Variants in GLI3 observed in about 807,000 individuals in gnomAD.
GLI3 encodes the protein transcription activator GLI3.
GLI3 carries 20 observed loss-of-function variants against 100.8 expected under a neutral mutation model. That is an observed-to-expected ratio of 0.20 (90% CI 0.14 to 0.29). The LOEUF (loss-of-function observed/expected upper bound fraction) is 0.29. GLI3 is among the 10% of genes least tolerant of loss of function. The pLI, the probability that GLI3 is intolerant of heterozygous loss-of-function variation, is 1.00. For missense variants in GLI3, 2,040 were observed against 2,128.5 expected, an observed-to-expected ratio of 0.96 and a Z score of 0.82; for synonymous variants, 938 against 860.5, an observed-to-expected ratio of 1.09 and a Z score of -1.58.
intron 2 of GLI3, among the ~76,000 whole-genome samples, chr7:42,200,578 C>T (rs1453927994): frequency 1.3e-5 from 2 of 152,066 alleles, no homozygotes; most frequent in Non-Finnish European, 2.9e-5. Flanking sequence ...CAGATTTTTG[C>T]CCCACACAAG....
chr7:42,248,237 G>A (rs2128710002), intron 1 of GLI3, among the ~76,000 whole-genome samples: 1 of 152,238 alleles, frequency 6.6e-6, no homozygotes, highest in East Asian at 1.9e-4. Flanking sequence ...AAACCTTCTT[G>A]AGAAGCAAAT....
At chr7:42,263,136 C>T (rs1789162579) in intron 1 of GLI3, among the ~76,000 whole-genome samples, 1 of 152,180 alleles carries the variant, frequency 6.6e-6, no homozygotes, top group Admixed American at 6.5e-5. Context: ...AACTTGAGAA[C>T]AGCAGATCCA....
At chr7:42,193,226 G>A (rs866888848) in intron 2 of GLI3, among the ~76,000 whole-genome samples, 1 of 152,304 alleles carries the variant, frequency 6.6e-6, no homozygotes, top group South Asian at 2.1e-4. Flanking sequence ...CTGAGCAAAG[G>A]AAAGCCGAGA....
At chr7:42,062,035 A>G (rs1784578682) in intron 4 of GLI3, among the ~76,000 whole-genome samples, 1 of 152,144 alleles carries the variant, frequency 6.6e-6, no homozygotes. Flanking sequence ...CTGATTGGAA[A>G]TGTCTATGAT....
chr7:42,130,966 T>C (rs186232670), intron 3 of GLI3, among the ~76,000 whole-genome samples: 4 of 152,274 alleles, frequency 2.6e-5, no homozygotes, highest in Admixed American at 2.6e-4. Flanking sequence ...ATAGAAAATG[T>C]AGTGATGCCT....
At chr7:42,120,987 A>C (rs1785984004) in intron 3 of GLI3, among the ~76,000 whole-genome samples, 1 of 152,238 alleles carries the variant, frequency 6.6e-6, no homozygotes, top group Non-Finnish European at 1.5e-5. Flanking sequence ...TGACTTAAAC[A>C]AACCACCACC....
rs747125274 is a variant in GLI3, at chr7:41,967,915, C to T, written c.2112G>A (p.Gln704=). ...TVKAEKPMTS[Q]PSPGGQSSCS... is the part of the protein sequence containing the mutation. The stretch of plus-strand genomic sequence containing the variant: ...ATGAAGACTGACCACCAGGGCTTGG[C>T]TGAGATGTCTGTTGGGGTCAAGTGG... Residue 704 remains glutamine (Q), a synonymous_variant, in exon 14 of 15, where the codon CAG becomes CAA. Transcript: ENST00000395925. 4 of 1,613,924 alleles carry T rather than the reference C, an allele frequency of 2.5e-6. No homozygotes were observed. In the South Asian group the frequency reaches 3.3e-5, roughly 13 times the overall value.
intron 2 of GLI3, among the ~76,000 whole-genome samples, chr7:42,190,140 CA>C (rs11341473): frequency 0.55 from 76,334 of 139,904 alleles, 20,173 homozygotes; most frequent in African/African-American, 0.61. Flanking sequence ...ATCTTACTGT[CA>C]AAAAAAAAAA....
At chr7:42,010,615 C>A (rs1198490171) in intron 10 of GLI3, among the ~76,000 whole-genome samples, 4 of 152,146 alleles carry the variant, frequency 2.6e-5, no homozygotes, top group Non-Finnish European at 5.9e-5. Flanking sequence ...GGGAAAATAT[C>A]AAACTTGAGG....
At chr7:42,228,854 C>T (rs1432928999) in intron 1 of GLI3, among the ~76,000 whole-genome samples, 1 of 152,144 alleles carries the variant, frequency 6.6e-6, no homozygotes, top group Admixed American at 6.5e-5. Flanking sequence ...TTGTCTTGAG[C>T]TCAGGGAGGC....
chr7:42,071,624 G>C (rs2128750390), intron 4 of GLI3, among the ~76,000 whole-genome samples: 1 of 152,294 alleles, frequency 6.6e-6, no homozygotes, highest in African/African-American at 2.4e-5. Context: ...GGGGAACTCA[G>C]TAGTAGCCCT....
chr7:42,193,272 A>G lies in GLI3; in HGVS notation c.124+29858T>C, dbSNP rs563224328. Among the ~76,000 whole-genome samples, 13 of 152,078 alleles carry G rather than the reference A, an allele frequency of 8.5e-5. No individual in the cohort carries two copies. The East Asian group carries it at 2.3e-3, about 27-fold the overall frequency. On this transcript the variant is annotated intron_variant, in intron 2 of 14. Transcript: ENST00000395925. ...GACCCTCTTGCCTTTTTGTTTTTCC[A>G]TTAAGGAGCTGTTCTTATAAACAAT...
chr7:42,233,402 G>A (rs1279837870), intron 1 of GLI3, among the ~76,000 whole-genome samples: 1 of 152,224 alleles, frequency 6.6e-6, no homozygotes, highest in African/African-American at 2.4e-5. Context: ...ATGCCCTCAA[G>A]GTTTGCTGGG....
chr7:42,261,986 TTCTTTC>T (rs1481449047), intron 1 of GLI3, among the ~76,000 whole-genome samples: 3 of 141,864 alleles, frequency 2.1e-5, no homozygotes, highest in African/African-American at 7.6e-5. Flanking sequence ...CTCTCTTTCT[TTCTTTC>T]TTTCTTTCTT....
chr7:41,965,088 C>T lies in GLI3; in HGVS notation c.3985G>A (p.Gly1329Ser), dbSNP rs565405275. 3 of 1,613,794 alleles carry T rather than the reference C, an allele frequency of 1.9e-6. No homozygotes were observed. The highest frequency in any genetic ancestry group is 1.3e-5 in the African/African-American group (1 of 75,070). The change falls in exon 15 of 15, where the codon GGC (glycine) becomes AGC (serine). Residue 1329 changes from glycine to serine, a missense_variant. This residue lies in a region of GLI3 where 1,041 missense variants were observed against 924.0 expected (regional missense o/e 1.13). Transcript: ENST00000395925. The part of the protein sequence containing the change: ...GQGYLAHQLL[G>S]DSMQHPGAGR... ...GCCCCCGGGTGCTGCATGCTGTCGC[C>T]GAGGAGCTGGTGAGCCAGGTACCCC... is the stretch of plus-strand genomic sequence containing the variant.
chr7:41,965,810 T>A lies in GLI3; in HGVS notation c.3263A>T (p.Asp1088Val). ...CACGTCGTCCGGCAGGAAATCCTCATCGTTCAGGTTGGCATCAGCGTCCAT... is the reference window on the plus strand; with the variant it reads ...CACGTCGTCCGGCAGGAAATCCTCAACGTTCAGGTTGGCATCAGCGTCCAT... Reference protein sequence around the residue: ...LTMDADANLNDEDFLPDDVVQ... With the variant: ...LTMDADANLNVEDFLPDDVVQ... Residue 1088 changes from aspartate (D) to valine (V), a missense_variant, in exon 15 of 15, where the codon GAT (aspartate) becomes GTT (valine). By Grantham distance (152) the Asp-to-Val change is radical. Coordinates refer to ENST00000395925, the MANE Select transcript of GLI3 (RefSeq NM_000168.6). 6.2e-7 allele frequency: 1 copy of A among 1,613,198 alleles called. No individual in the cohort carries two copies. The highest frequency in any genetic ancestry group is 8.5e-7 in the Non-Finnish European group (1 of 1,179,930).
At chr7:42,192,033 A>T (rs946236515) in intron 2 of GLI3, among the ~76,000 whole-genome samples, 1 of 140,466 alleles carries the variant, frequency 7.1e-6, no homozygotes, top group Non-Finnish European at 1.6e-5. Flanking sequence ...AACTTCTACA[A>T]TCACAGAAAA....
chr7:42,026,362 T>C lies in GLI3; in HGVS notation c.1079A>G (p.His360Arg). 6.2e-7 allele frequency: 1 copy of C among 1,614,154 alleles called. No homozygotes were observed. The highest frequency in any genetic ancestry group is 8.5e-7 in the Non-Finnish European group (1 of 1,180,026). ...YSSAPVSLHM[H>R]QQILSRQQSL... ...CTGTTGTCGGCTTAGGATCTGCTGA[T>C]GCATGTGGAGAGAGACGGGCGCGGA... is the stretch of plus-strand genomic sequence containing the variant. The change falls in exon 8 of 15, where the codon CAT becomes CGT. Residue 360 changes from histidine to arginine, a missense_variant. Physicochemically the swap from His to Arg is conservative, Grantham distance 29. This residue lies in a region of GLI3 where 603 missense variants were observed against 690.9 expected (regional missense o/e 0.87). Coordinates refer to ENST00000395925, the MANE Select transcript of GLI3 (RefSeq NM_000168.6).
chr7:41,972,460 T>C lies in GLI3; in HGVS notation c.1980A>G (p.Ser660=). The part of the protein sequence containing the change: ...PPPPRDSGSH[S]QSRSPGRPTQ... Reference sequence around the variant, plus strand: ...TCGGTCGGCCAGGCGACCTGGACTGTGAATGGCTGCCGGAATCTCTCGGGG... The same window carrying C: ...TCGGTCGGCCAGGCGACCTGGACTGCGAATGGCTGCCGGAATCTCTCGGGG... The change falls in exon 13 of 15, where the codon TCA becomes TCG. Residue 660 remains serine, a synonymous_variant. Transcript: ENST00000395925. The surrounding 1 kb of genome is among the most constrained non-coding windows in gnomAD (Gnocchi z 4.4). The C allele has an allele frequency of 6.2e-7, 1 of 1,613,724 alleles. No individual in the cohort carries two copies. The highest frequency in any genetic ancestry group is 8.5e-7 in the Non-Finnish European group (1 of 1,179,958).
Sources: gnomAD v4.1 joint callset for allele counts (sites outside exome capture counted in the v4.1 genomes callset) on GRCh38, gnomAD v4.1.1 for gene constraint, gnomAD v4.1.1 regional missense constraint, Gnocchi (gnomAD v3.1) non-coding constraint, MANE v1.5 for transcripts, NCBI Gene and HGNC (gene_info 2026-07-23, HGNC 2026-07-21) for gene names.